SERINC1: variants seen among roughly 807,000 people sequenced by gnomAD.
SERINC1 encodes the protein tumor differentially expressed protein 2.
SERINC1 carries 38 observed loss-of-function variants against 52.9 expected under a neutral mutation model. That is an observed-to-expected ratio of 0.72 (90% confidence interval 0.55 to 0.94). SERINC1 has a LOEUF of 0.94. SERINC1 is among the 40% of genes least tolerant of loss of function. SERINC1 has a pLI of 0.00. For synonymous variants in SERINC1, 198 were observed against 183.1 expected (o/e 1.08, Z -0.66); for missense variants, 471 against 533.9 (o/e 0.88, Z 1.16).
In SERINC1 at chr6:122,456,487, T is replaced by C; in HGVS notation, c.365A>G (p.His122Arg). 6.3e-7 allele frequency: 1 copy of C among 1,575,626 alleles called. No individual in the cohort carries two copies. The highest frequency in any genetic ancestry group is 8.6e-7 in the Non-Finnish European group (1 of 1,164,870). Residue 122 changes from histidine to arginine, a missense_variant, in exon 3 of 10, where the codon CAC becomes CGC. His to Arg is a conservative substitution (Grantham distance 29, BLOSUM62 0). Transcript: ENST00000339697. ...AGCTTATTTAAAAACTTACCCATTG[T>C]GCACTGCAGCTCTAGGATCACTGCT... Reference protein sequence around the residue: ...KSSSDPRAAVHNGFWFFKFAA... With the variant: ...KSSSDPRAAVRNGFWFFKFAA...
chr6:122,451,776 A>AAAAAAAAAATATATATATATAT, intron 6 of SERINC1, 22 bp from the exon 7 acceptor site: 7 of 113,078 alleles, frequency 6.2e-5, no homozygotes, highest in South Asian at 6.3e-4. Context: ...AAAAAAAAAA[A>AAAAAAAAAATATATATATATAT]ATATATATAT....
chr6:122,454,126 A>C, intron 4 of SERINC1, 25 bp downstream of exon 4: 12 of 1,402,470 alleles, frequency 8.6e-6, no homozygotes, highest in Non-Finnish European at 1.2e-5. Context: ...TATCAATGTC[A>C]AACAACTTAA....
chr6:122,465,097 CTTTTG>C, intron 1 of SERINC1, among the ~76,000 whole-genome samples: 1 of 152,078 alleles, frequency 6.6e-6, no homozygotes, highest in Admixed American at 6.5e-5. Flanking sequence ...TGTTCTAGTT[CTTTTG>C]TTTTGTTCTT....
intron 7 of SERINC1, among the ~76,000 whole-genome samples, chr6:122,451,088 A>G (rs1262899908): frequency 6.6e-6 from 1 of 152,166 alleles, no homozygotes; most frequent in East Asian, 1.9e-4. Flanking sequence ...CTACAGAGAA[A>G]TATTTTGTGA....
chr6:122,456,508 C>T lies in SERINC1; in HGVS notation c.344G>A (p.Ser115Asn). The change falls in exon 3 of 10, where the codon AGT becomes AAT. Residue 115 changes from serine to asparagine, a missense_variant. Transcript: ENST00000339697. ...SLLMIKVKSS[S>N]DPRAAVHNGF... is the part of the protein sequence containing the mutation. ...ATTGTGCACTGCAGCTCTAGGATCA[C>T]TGCTACTCTTCACTTTGATCATTAG... 1 of 1,607,802 alleles carries T rather than the reference C, an allele frequency of 6.2e-7. No homozygotes were observed. Among genetic ancestry groups the T allele is most frequent in the Non-Finnish European group, 8.5e-7 (1 of 1,177,666 alleles).
Position 122,447,159 on chromosome 6 carries a change from T to C in SERINC1, c.957A>G (p.Ile319Met), listed in dbSNP as rs1774820990. The C allele has an allele frequency of 6.2e-7, 1 of 1,613,340 alleles. No homozygotes were observed. The highest frequency in any genetic ancestry group is 8.5e-7 in the Non-Finnish European group (1 of 1,179,272). ...CACACAACAAAAAGAGAATTAGTCC[T>C]ATAATTCCTTGAGCATGCCACCACT... ...SVQWWHAQGI[I>M]GLILFLLCVF... Residue 319 changes from isoleucine to methionine, a missense_variant, in exon 8 of 10, where the codon ATA becomes ATG. Coordinates refer to ENST00000339697, the MANE Select transcript of SERINC1 (RefSeq NM_020755.4).
chr6:122,464,676 C>T (rs1280752132), intron 1 of SERINC1, among the ~76,000 whole-genome samples: 1 of 152,098 alleles, frequency 6.6e-6, no homozygotes, highest in Admixed American at 6.5e-5. Flanking sequence ...TTAGAGATTC[C>T]GGCACCAATA....
chr6:122,470,131 G>GC (rs1317223508), intron 1 of SERINC1, among the ~76,000 whole-genome samples: 1 of 152,180 alleles, frequency 6.6e-6, no homozygotes, highest in African/African-American at 2.4e-5. Flanking sequence ...TTACACTTAA[G>GC]CCCAGCAGTT....
intron 7 of SERINC1, 37 bp downstream of exon 7, chr6:122,451,627 A>G (rs1774904853): frequency 2.6e-6 from 2 of 775,948 alleles, no homozygotes; most frequent in African/African-American, 1.8e-5. Flanking sequence ...CAACAACTGC[A>G]GAACCTTTAG....
At chr6:122,450,581 T>C (rs915040135) in intron 7 of SERINC1, among the ~76,000 whole-genome samples, 18 of 152,242 alleles carry the variant, frequency 1.2e-4, no homozygotes, top group Admixed American at 1.2e-3. Context: ...CATAGAGTAA[T>C]TCCTCTGATA....
At chr6:122,454,507 A>C in intron 3 of SERINC1, 1 of 296,360 alleles carries the variant, frequency 3.4e-6, no homozygotes, top group Non-Finnish European at 6.5e-6. Context: ...AAAACAAAGC[A>C]AAAAAAATCT....
At chr6:122,451,775 AAATAT>A (rs1562213642) in intron 6 of SERINC1, 21 bp from the exon 7 acceptor site, 2 of 288,188 alleles carry the variant, frequency 6.9e-6, no homozygotes, top group Non-Finnish European at 1.0e-5. Flanking sequence ...AAAAAAAAAA[AAATAT>A]ATATATATAT....
chr6:122,458,656 G>A lies in SERINC1; in HGVS notation c.65C>T (p.Pro22Leu), dbSNP rs1775044531. ...SWIPCLCGSA[P>L]CLLCRCCPSG... ...AGGACAGCATCGGCATAGCAAACAC[G>A]GGGCACTTCCACACAAACATGGTAT... is the stretch of plus-strand genomic sequence containing the variant. The change falls in exon 2 of 10, where the codon CCG becomes CTG. Residue 22 changes from proline to leucine, a missense_variant. By Grantham distance (98) the Pro-to-Leu change is moderately conservative. Coordinates refer to ENST00000339697, the MANE Select transcript of SERINC1 (RefSeq NM_020755.4). 1.9e-6 allele frequency: 3 copies of A among 1,604,214 alleles called. No individual in the cohort carries two copies. The highest frequency in any genetic ancestry group is 1.3e-5 in the African/African-American group (1 of 74,804).
At position 122,449,106 on chromosome 6, in the gene SERINC1, A is replaced by G. The variant is rs75862189; in HGVS notation, c.851-1841T>C. Among the ~76,000 whole-genome samples the G allele has an allele frequency of 4.6e-5, 7 of 152,270 alleles. No homozygotes were observed. The East Asian group carries it at 1.4e-3, about 29-fold the overall frequency. ...GTGTGTTCTGACTGCTCCACCAACCAGCCATTTCCTTGTCTCTATCCCTCT... is the reference window on the plus strand; with the variant it reads ...GTGTGTTCTGACTGCTCCACCAACCGGCCATTTCCTTGTCTCTATCCCTCT... On this transcript the variant is annotated intron_variant, in intron 7 of 9. Coordinates refer to ENST00000339697, the MANE Select transcript of SERINC1 (RefSeq NM_020755.4).
intron 5 of SERINC1, among the ~76,000 whole-genome samples, 176 bp downstream of exon 5, chr6:122,453,594 A>C (rs1349076299): frequency 6.6e-6 from 1 of 152,196 alleles, no homozygotes; most frequent in Non-Finnish European, 1.5e-5. Context: ...CTGCTAAAAG[A>C]TCTGCTCACC....
chr6:122,444,992 T>G lies in SERINC1; in HGVS notation c.*52A>C. ...ACAACTTTACAAAAGTTGGGAATACTGTTTTCAAATAAGCAATAATCAAAG... is the reference window on the plus strand; with the variant it reads ...ACAACTTTACAAAAGTTGGGAATACGGTTTTCAAATAAGCAATAATCAAAG... On this transcript the variant is annotated 3_prime_UTR_variant, in exon 10 of 10. Transcript: ENST00000339697. 6.4e-7 allele frequency: 1 copy of G among 1,569,582 alleles called. No homozygotes were observed. The highest frequency in any genetic ancestry group is 8.7e-7 in the Non-Finnish European group (1 of 1,152,300).
intron 1 of SERINC1, among the ~76,000 whole-genome samples, chr6:122,467,383 T>A (rs531926079): frequency 6.6e-6 from 1 of 152,110 alleles, no homozygotes; most frequent in Non-Finnish European, 1.5e-5. Context: ...GGCAGGTGGA[T>A]CACTTGAGGC....
At chr6:122,471,125 C>G (rs1775285870) in intron 1 of SERINC1, among the ~76,000 whole-genome samples, 1 of 151,660 alleles carries the variant, frequency 6.6e-6, no homozygotes, top group Non-Finnish European at 1.5e-5. Flanking sequence ...CAAACAGTTA[C>G]GGCAGAGCTA....
intron 1 of SERINC1, among the ~76,000 whole-genome samples, chr6:122,469,149 A>AT (rs1775232684): frequency 6.6e-6 from 1 of 152,152 alleles, no homozygotes; most frequent in Admixed American, 6.6e-5. Flanking sequence ...AAAGTGAACA[A>AT]TTTAACACTC....
Sources: gnomAD v4.1 joint callset for allele counts (sites outside exome capture counted in the v4.1 genomes callset) on GRCh38, gnomAD v4.1.1 for gene constraint, MANE v1.5 for transcripts, NCBI Gene and HGNC (gene_info 2026-07-23, HGNC 2026-07-21) for gene names.